Variants in TMPRSS15 observed in about 807,000 individuals in gnomAD.
TMPRSS15 encodes enteropeptidase.
In TMPRSS15, 128 loss-of-function variants were observed where a neutral mutation model predicts 125.3. That is an observed-to-expected ratio of 1.02 (90% CI 0.89 to 1.18). The LOEUF is 1.18. Ranked by LOEUF, TMPRSS15 falls within the 50% of genes most tolerant of loss-of-function variation. TMPRSS15 has a pLI of 0.00. For synonymous variants in TMPRSS15, 446 were observed against 423.2 expected (o/e 1.05, Z -0.66); for missense variants, 1,283 against 1,212.7 (o/e 1.06, Z -0.86).
At chr21:18,413,234 T>TTCTCTC (rs72171532) in intron 1 of TMPRSS15, among the ~76,000 whole-genome samples, 1 of 142,932 alleles carries the variant, frequency 7.0e-6, no homozygotes, top group Non-Finnish European at 1.5e-5. Flanking sequence ...TTCCTTCCTT[T>TTCTCTC]TCTCTCTCTT....
intron 1 of TMPRSS15, among the ~76,000 whole-genome samples, chr21:18,459,955 T>A (rs917164581): frequency 5.3e-5 from 8 of 152,332 alleles, no homozygotes; most frequent in Middle Eastern, 3.4e-3. Context: ...CATGAATTTT[T>A]AAAAACCAGT....
At chr21:18,376,202 T>TG (rs1357350109) in intron 5 of TMPRSS15, among the ~76,000 whole-genome samples, 6 of 118,384 alleles carry the variant, frequency 5.1e-5, no homozygotes, top group Non-Finnish European at 7.5e-5. Flanking sequence ...CAAATCTAGT[T>TG]TTTTTTTTTT....
chr21:18,413,396 C>T (rs2076172478), intron 1 of TMPRSS15, among the ~76,000 whole-genome samples: 1 of 125,124 alleles, frequency 8.0e-6, no homozygotes. Context: ...TATCTTTCTT[C>T]TTTCTTTCTT....
At position 18,365,257 on chromosome 21, in the gene TMPRSS15, C is replaced by T. The variant is rs554309535; in HGVS notation, c.665-9G>A. 36 of 1,606,150 alleles carry T rather than the reference C, an allele frequency of 2.2e-5. No homozygotes were observed. Among genetic ancestry groups the T allele is most frequent in the Non-Finnish European group, 2.6e-5 (31 of 1,172,806 alleles). On this transcript the variant is annotated splice_polypyrimidine_tract_variant and intron_variant, in intron 6 of 24. Coordinates refer to ENST00000284885, the MANE Select transcript of TMPRSS15 (RefSeq NM_002772.3). ...TCCATCACAAACTGTGGCTGCAAAA[C>T]GATGCCAATTAATGTTAGACAAAAA...
intron 3 of TMPRSS15, among the ~76,000 whole-genome samples, chr21:18,387,690 G>A (rs112635161): frequency 1.7e-4 from 26 of 151,624 alleles, no homozygotes; most frequent in African/African-American, 6.1e-4. Context: ...GTAAGTGGCA[G>A]AGATTGGCAT....
intron 3 of TMPRSS15, among the ~76,000 whole-genome samples, chr21:18,387,043 A>G (rs2123072560): frequency 6.6e-6 from 1 of 152,330 alleles, no homozygotes; most frequent in African/African-American, 2.4e-5. Context: ...TAGGAGTTGC[A>G]TATCCTATAT....
intron 10 of TMPRSS15, among the ~76,000 whole-genome samples, chr21:18,347,060 C>A (rs1219859508): frequency 3.3e-5 from 5 of 151,932 alleles, no homozygotes; most frequent in Non-Finnish European, 4.4e-5. Context: ...TCTCTTTTAC[C>A]TCCTTCCACT....
chr21:18,467,581 A>T (rs141692947), intron 1 of TMPRSS15, among the ~76,000 whole-genome samples: 3,243 of 152,108 alleles, frequency 0.021, 130 homozygotes, highest in African/African-American at 0.074. Flanking sequence ...AACATACCAG[A>T]GTTTAAAAAA....
At chr21:18,275,363 C>T (rs778817419) in intron 23 of TMPRSS15, 27 bp from the exon 24 acceptor site, 24 of 1,612,970 alleles carry the variant, frequency 1.5e-5, no homozygotes, top group Non-Finnish European at 2.0e-5. Context: ...ATGCAGCCAG[C>T]CAGTCAGAAG....
chr21:18,384,863 T>C (rs781619213), intron 3 of TMPRSS15, among the ~76,000 whole-genome samples: 8 of 152,214 alleles, frequency 5.3e-5, no homozygotes, highest in Non-Finnish European at 1.0e-4. Flanking sequence ...GAATTCTTTA[T>C]TTATCTCTCC....
At chr21:18,433,074 A>G (rs2076219713) in intron 1 of TMPRSS15, among the ~76,000 whole-genome samples, 1 of 152,194 alleles carries the variant, frequency 6.6e-6, no homozygotes. Flanking sequence ...TAGAAAGTGT[A>G]TGAGTTTACT....
chr21:18,407,548 G>T (rs956888261), upstream of TMPRSS15, among the ~76,000 whole-genome samples: 1 of 149,628 alleles, frequency 6.7e-6, no homozygotes, highest in Non-Finnish European at 1.5e-5. Flanking sequence ...CTGGGCTCAA[G>T]CAATCCTCCC....
intron 1 of TMPRSS15, among the ~76,000 whole-genome samples, chr21:18,451,671 C>T (rs913249705): frequency 6.6e-6 from 1 of 152,096 alleles, no homozygotes; most frequent in Admixed American, 6.5e-5. Context: ...AGAGCTTATG[C>T]TTTTTTGGAC....
At chr21:18,357,217 C>G (rs1004177446) in intron 8 of TMPRSS15, among the ~76,000 whole-genome samples, 1 of 151,746 alleles carries the variant, frequency 6.6e-6, no homozygotes, top group Admixed American at 6.6e-5. Flanking sequence ...CAATATTATA[C>G]CTTCATCATT....
intron 5 of TMPRSS15, among the ~76,000 whole-genome samples, chr21:18,378,065 T>C (rs2075860431): frequency 6.6e-6 from 1 of 152,174 alleles, no homozygotes. Context: ...TGAATTAGAT[T>C]AATCATTTGA....
intron 21 of TMPRSS15, among the ~76,000 whole-genome samples, chr21:18,293,629 C>T (rs73210239): frequency 0.12 from 18,741 of 152,178 alleles, 1,307 homozygotes; most frequent in Middle Eastern, 0.22. Context: ...CACCCCCTTC[C>T]ATCCACTCTG....
At chr21:18,351,694 T>G (rs1326941862) in intron 10 of TMPRSS15, among the ~76,000 whole-genome samples, 1 of 152,094 alleles carries the variant, frequency 6.6e-6, no homozygotes, top group East Asian at 1.9e-4. Context: ...AATTACCCAG[T>G]CTCAGGTATT....
chr21:18,275,234 C>CAT lies in TMPRSS15; in HGVS notation c.2865_2866dup (p.Cys956TyrfsTer10). 6.2e-7 allele frequency: 1 copy of CAT among 1,614,100 alleles called. No homozygotes were observed. The stretch of plus-strand genomic sequence containing the variant: ...TATTCCTCCTTCTTCATAGCCTGCA[C>CAT]ATATCATATTTTCAGTAATGTTATA... On this transcript the variant is annotated frameshift_variant, in exon 24 of 25. Coordinates refer to ENST00000284885, the MANE Select transcript of TMPRSS15 (RefSeq NM_002772.3). LOFTEE classifies it high-confidence loss of function.
chr21:18,284,534 C>T (rs576201165), intron 21 of TMPRSS15, among the ~76,000 whole-genome samples: 8 of 152,214 alleles, frequency 5.3e-5, no homozygotes, highest in African/African-American at 1.9e-4. Flanking sequence ...GTGAAGACAG[C>T]CTTCAGAAAA....
Sources: gnomAD v4.1 joint callset for allele counts (sites outside exome capture counted in the v4.1 genomes callset) on GRCh38, gnomAD v4.1.1 for gene constraint, MANE v1.5 for transcripts, NCBI Gene and HGNC (gene_info 2026-07-23, HGNC 2026-07-21) for gene names.